ECT2L: variants seen among roughly 807,000 people sequenced by gnomAD.
ECT2L encodes epithelial cell-transforming sequence 2 oncogene-like.
In ECT2L, 126 loss-of-function variants were observed where a neutral mutation model predicts 122.8. The ratio of observed to expected loss-of-function variants is 1.03; its 90% CI spans 0.89 to 1.19. ECT2L has a LOEUF of 1.19. Ranked by LOEUF, ECT2L falls within the 50% of genes most tolerant of loss-of-function variation. The pLI, the probability that ECT2L is intolerant of heterozygous loss-of-function variation, is 0.00. For synonymous variants in ECT2L, 385 were observed against 381.8 expected, an observed-to-expected ratio of 1.01 and a Z score of -0.10; for missense variants, 1,012 against 1,064.1, an observed-to-expected ratio of 0.95 and a Z score of 0.68.
At chr6:138,840,577 G>T (rs905583974) in intron 5 of ECT2L, among the ~76,000 whole-genome samples, 4 of 127,274 alleles carry the variant, frequency 3.1e-5, no homozygotes, top group Non-Finnish European at 7.0e-5. Context: ...TAAATTCTAG[G>T]TTGGCAGCTA....
intron 14 of ECT2L, 69 bp from the exon 15 acceptor site, chr6:138,880,888 G>A: frequency 7.1e-7 from 1 of 1,406,670 alleles, no homozygotes; most frequent in Non-Finnish European, 9.9e-7. Flanking sequence ...GGGTCTCCGT[G>A]TAGCTGCCTG....
At chr6:138,897,030 G>A (rs1401678316) in intron 20 of ECT2L, among the ~76,000 whole-genome samples, 2 of 152,140 alleles carry the variant, frequency 1.3e-5, no homozygotes, top group Admixed American at 1.3e-4. Context: ...GGCTAATACA[G>A]TAGTTTAACA....
At chr6:138,858,798 C>T (rs548773204) in intron 10 of ECT2L, among the ~76,000 whole-genome samples, 8 of 141,636 alleles carry the variant, frequency 5.6e-5, no homozygotes, top group East Asian at 2.1e-4. Context: ...CTCAACTTCC[C>T]GGGGTCAAGC....
intron 4 of ECT2L, among the ~76,000 whole-genome samples, chr6:138,818,161 C>T (rs745698956): frequency 2.6e-5 from 4 of 152,144 alleles, no homozygotes; most frequent in Non-Finnish European, 5.9e-5. Flanking sequence ...ATTCATGCAA[C>T]TGCATTCCCT....
At chr6:138,854,652 T>C (rs1263447513) in intron 10 of ECT2L, among the ~76,000 whole-genome samples, 1 of 152,204 alleles carries the variant, frequency 6.6e-6, no homozygotes, top group African/African-American at 2.4e-5. Flanking sequence ...TTAGTGCATC[T>C]TAAGGACTTA....
At chr6:138,811,438 C>G (rs1019960094) in intron 1 of ECT2L, among the ~76,000 whole-genome samples, 1 of 152,194 alleles carries the variant, frequency 6.6e-6, no homozygotes, top group Non-Finnish European at 1.5e-5. Flanking sequence ...TATCCCCTTT[C>G]CCCACAAATT....
chr6:138,851,580 G>C (rs941907310), intron 9 of ECT2L, among the ~76,000 whole-genome samples: 1 of 148,612 alleles, frequency 6.7e-6, no homozygotes, highest in Non-Finnish European at 1.5e-5. Context: ...GTGATGTCAA[G>C]CATCTTTTAA....
At chr6:138,837,718 C>T (rs1253250934) in intron 4 of ECT2L, among the ~76,000 whole-genome samples, 1 of 150,954 alleles carries the variant, frequency 6.6e-6, no homozygotes, top group African/African-American at 2.4e-5. Context: ...TATATCTTTG[C>T]TTTGAATTTC....
intron 4 of ECT2L, among the ~76,000 whole-genome samples, chr6:138,819,716 C>G (rs1204000984): frequency 6.6e-6 from 1 of 151,706 alleles, no homozygotes; most frequent in Non-Finnish European, 1.5e-5. Flanking sequence ...TCAAAATATT[C>G]CAAGTTTTAA....
At chr6:138,825,913 C>G (rs1776431730) in intron 4 of ECT2L, among the ~76,000 whole-genome samples, 1 of 152,338 alleles carries the variant, frequency 6.6e-6, no homozygotes, top group East Asian at 1.9e-4. Flanking sequence ...ACTCTGAACA[C>G]CCAGTTGAAC....
intron 4 of ECT2L, 127 bp downstream of exon 4, chr6:138,814,730 G>T (rs1776013263): frequency 3.3e-6 from 2 of 615,062 alleles, no homozygotes; most frequent in Non-Finnish European, 2.7e-6. Context: ...GATATTTTAA[G>T]GTTTATAAAC....
chr6:138,853,912 G>A, intron 9 of ECT2L, 114 bp from the exon 10 acceptor site: 1 of 1,207,100 alleles, frequency 8.3e-7, no homozygotes, highest in African/African-American at 1.5e-5. Flanking sequence ...AGGTGTCTTG[G>A]TCTTGCAGGC....
Position 138,862,643 on chromosome 6 carries a change from T to C in ECT2L, c.1215T>C (p.Val405=), listed in dbSNP as rs1174281552. 1.2e-6 allele frequency: 2 copies of C among 1,614,170 alleles called. No homozygotes were observed. Among genetic ancestry groups the C allele is most frequent in the South Asian group, 2.2e-5 (2 of 91,070 alleles). Residue 405 remains valine (V), a synonymous_variant, in exon 11 of 22, where the codon GTT becomes GTC. Transcript: ENST00000541398. The part of the protein sequence containing the change: ...PLGASEAGIE[V]LSQLSQLTGT... ...ACTATGCAGAGGCAGGAATTGAAGT[T>C]CTTTCCCAGCTGTCTCAACTAACTG... is the stretch of plus-strand genomic sequence containing the variant.
intron 4 of ECT2L, among the ~76,000 whole-genome samples, chr6:138,836,325 G>C (rs144516006): frequency 7.6e-6 from 1 of 131,368 alleles, no homozygotes; most frequent in African/African-American, 2.9e-5. Context: ...AGTTTTGCTC[G>C]TCACCCAGGC....
intron 1 of ECT2L, among the ~76,000 whole-genome samples, chr6:138,802,871 G>A (rs142940263): frequency 5.2e-4 from 79 of 152,136 alleles, no homozygotes; most frequent in African/African-American, 1.7e-3. Context: ...GAGGCCAGGA[G>A]TTCGAGACAG....
At chr6:138,893,142 T>G (rs1301374543) in intron 20 of ECT2L, among the ~76,000 whole-genome samples, 1 of 151,960 alleles carries the variant, frequency 6.6e-6, no homozygotes, top group Non-Finnish European at 1.5e-5. Context: ...TTCTGGACTG[T>G]GACCTTCACA....
intron 1 of ECT2L, among the ~76,000 whole-genome samples, chr6:138,804,138 T>A (rs1248912654): frequency 6.6e-6 from 1 of 152,222 alleles, no homozygotes; most frequent in Non-Finnish European, 1.5e-5. Context: ...CCCACTTAGA[T>A]TGAGCCAAAA....
At chr6:138,867,942 G>T (rs1185872183) in intron 12 of ECT2L, among the ~76,000 whole-genome samples, 161 bp from the exon 13 acceptor site, 1 of 143,734 alleles carries the variant, frequency 7.0e-6, no homozygotes, top group Admixed American at 7.5e-5. Context: ...CAAGGCTGCA[G>T]TGAGCTATGA....
chr6:138,853,557 C>T (rs889858312), intron 9 of ECT2L, among the ~76,000 whole-genome samples: 4 of 152,074 alleles, frequency 2.6e-5, no homozygotes, highest in Non-Finnish European at 5.9e-5. Flanking sequence ...ACCCATGCAG[C>T]TTAGTGGAAT....
Sources: allele counts gnomAD v4.1 joint callset (sites outside exome capture counted in the v4.1 genomes callset), GRCh38; gene constraint gnomAD v4.1.1; transcripts MANE v1.5; gene names NCBI Gene and HGNC (gene_info 2026-07-23, HGNC 2026-07-21).